Variants in PTK2 observed in about 807,000 individuals in gnomAD.
PTK2 encodes focal adhesion kinase 1.
PTK2 carries 45 observed loss-of-function variants against 150.1 expected under a neutral mutation model. The ratio of observed to expected loss-of-function variants is 0.30; its 90% confidence interval spans 0.24 to 0.38. The LOEUF (loss-of-function observed/expected upper bound fraction) is 0.38, where lower values mean the gene tolerates loss of function less well. PTK2 is among the 10% of genes least tolerant of loss of function. The pLI is 1.00. For missense variants in PTK2, 919 were observed against 1,307.3 expected (o/e 0.70, Z 4.58); for synonymous variants, 432 against 449.2 (o/e 0.96, Z 0.48).
At chr8:140,891,409 G>T (rs1415374538) in intron 2 of PTK2, among the ~76,000 whole-genome samples, 1 of 152,082 alleles carries the variant, frequency 6.6e-6, no homozygotes, top group Non-Finnish European at 1.5e-5. Context: ...AACACCCATC[G>T]AGAAACATGA....
In PTK2 at chr8:140,748,384, TCAGGAGGCTGAGG is replaced by T. The variant is rs573869540; in HGVS notation, c.1418-1537_1418-1525del. On this transcript the variant is annotated intron_variant, in intron 17 of 31. Transcript: ENST00000522684. The stretch of plus-strand genomic sequence containing the variant: ...GGTGTGTGCCTGTAGTCCCAGCTAC[TCAGGAGGCTGAGG>T]CAGCAGACTCACTTGAGCCTGGGAG... Among the ~76,000 whole-genome samples the T allele has an allele frequency of 2.7e-3, 404 of 151,248 alleles. 2 individuals carry two copies. Among genetic ancestry groups the T allele is most frequent in the Non-Finnish European group, 4.0e-3 (270 of 67,926 alleles).
At chr8:140,866,800 C>A (rs2100139582) in intron 4 of PTK2, among the ~76,000 whole-genome samples, 1 of 152,034 alleles carries the variant, frequency 6.6e-6, no homozygotes, top group Non-Finnish European at 1.5e-5. Flanking sequence ...AGTCAGACAG[C>A]AAATACACAA....
intron 5 of PTK2, among the ~76,000 whole-genome samples, chr8:140,861,949 G>A (rs1190470438): frequency 6.6e-6 from 1 of 152,010 alleles, no homozygotes; most frequent in African/African-American, 2.4e-5. Context: ...GCTTTCTCTT[G>A]GGTTTTATAA....
At chr8:140,993,613 GAC>G (rs1307630636) in intron 1 of PTK2, among the ~76,000 whole-genome samples, 2 of 152,146 alleles carry the variant, frequency 1.3e-5, no homozygotes, top group African/African-American at 2.4e-5. Context: ...GGTCAAGAGA[GAC>G]ACAGACACAA....
chr8:140,691,590 G>A (rs1001339390), intron 26 of PTK2, among the ~76,000 whole-genome samples: 2 of 152,142 alleles, frequency 1.3e-5, no homozygotes, highest in African/African-American at 2.4e-5. Flanking sequence ...CTGCCTCACC[G>A]CTGCGTCTCT....
intron 14 of PTK2, among the ~76,000 whole-genome samples, chr8:140,772,154 C>T (rs1474416899): frequency 3.3e-5 from 5 of 152,298 alleles, no homozygotes; most frequent in Middle Eastern, 6.8e-3. Context: ...TTTACACACA[C>T]TAAATTTCTG....
chr8:140,991,157 A>G (rs2100195568), intron 1 of PTK2, among the ~76,000 whole-genome samples: 1 of 152,252 alleles, frequency 6.6e-6, no homozygotes. Context: ...AGCAAAAGGC[A>G]AAAGAATGTA....
chr8:140,759,783 C>T (rs4961232), intron 16 of PTK2, among the ~76,000 whole-genome samples: 39,821 of 151,814 alleles, frequency 0.26, 5,806 homozygotes, highest in Admixed American at 0.38. Flanking sequence ...GTCGAGGCCA[C>T]GGTGAGCCAT....
In PTK2 at chr8:140,881,083, C is replaced by T. The variant is rs114083274; in HGVS notation, c.196-1446G>A. On this transcript the variant is annotated intron_variant, in intron 3 of 31. Transcript: ENST00000522684. ...CAGGTTCATAAAGATGATGAATTCT[C>T]ATCAGGACAGGAAGGATGTTTGCAG... is the stretch of plus-strand genomic sequence containing the variant. Among the ~76,000 whole-genome samples the T allele has an allele frequency of 5.9e-3, 897 of 152,316 alleles. 15 individuals are homozygous for T. Among genetic ancestry groups the T allele is most frequent in the African/African-American group, 0.019 (809 of 41,572 alleles).
chr8:140,782,880 A>T (rs560591696), intron 14 of PTK2, among the ~76,000 whole-genome samples: 2 of 152,164 alleles, frequency 1.3e-5, no homozygotes, highest in Non-Finnish European at 2.9e-5. Context: ...CCTTAATGGA[A>T]TCACACGCAA....
intron 2 of PTK2, among the ~76,000 whole-genome samples, chr8:140,923,978 A>G (rs2100168493): frequency 6.6e-6 from 1 of 152,092 alleles, no homozygotes; most frequent in South Asian, 2.1e-4. Flanking sequence ...CATCAATCAC[A>G]CAATTTTACT....
intron 4 of PTK2, among the ~76,000 whole-genome samples, chr8:140,868,225 A>C (rs1183166705): frequency 6.6e-6 from 1 of 152,202 alleles, no homozygotes; most frequent in Non-Finnish European, 1.5e-5. Context: ...CCTGATACTG[A>C]GAAGGGTTAG....
At chr8:140,694,855 C>A (rs759971551) in intron 26 of PTK2, among the ~76,000 whole-genome samples, 10 of 152,320 alleles carry the variant, frequency 6.6e-5, no homozygotes, top group Non-Finnish European at 1.5e-4. Flanking sequence ...GACCTAGCTG[C>A]CACCATCACC....
intron 12 of PTK2, among the ~76,000 whole-genome samples, chr8:140,795,206 C>T (rs184559751): frequency 1.6e-3 from 248 of 152,306 alleles, no homozygotes; most frequent in Non-Finnish European, 2.0e-3. Context: ...CTCAGCACAG[C>T]AGCCAGAGTA....
intron 23 of PTK2, among the ~76,000 whole-genome samples, chr8:140,713,634 C>G (rs1196686127): frequency 6.6e-6 from 1 of 152,158 alleles, no homozygotes; most frequent in Non-Finnish European, 1.5e-5. Context: ...TTCTAGGATA[C>G]TTTTATCCTG....
intron 14 of PTK2, among the ~76,000 whole-genome samples, chr8:140,787,162 A>C (rs1425876293): frequency 6.6e-6 from 1 of 152,220 alleles, no homozygotes; most frequent in East Asian, 1.9e-4. Context: ...CTGAAGTATG[A>C]ACTCCTAGTT....
chr8:140,901,724 T>C (rs2100158531), intron 2 of PTK2, among the ~76,000 whole-genome samples: 1 of 151,530 alleles, frequency 6.6e-6, no homozygotes, highest in Admixed American at 6.6e-5. Flanking sequence ...TATGTAGGTA[T>C]ACACATGCCA....
At chr8:140,865,148 T>A (rs1388552376) in intron 4 of PTK2, among the ~76,000 whole-genome samples, 1 of 152,258 alleles carries the variant, frequency 6.6e-6, no homozygotes, top group African/African-American at 2.4e-5. Context: ...TTAATTGGCA[T>A]TTCTTTGGTA....
intron 14 of PTK2, among the ~76,000 whole-genome samples, chr8:140,779,588 G>T (rs2100080516): frequency 6.6e-6 from 1 of 152,140 alleles, no homozygotes; most frequent in South Asian, 2.1e-4. Context: ...AGGTGACAAA[G>T]AGGAATATAT....
Sources: gnomAD v4.1 joint callset for allele counts (sites outside exome capture counted in the v4.1 genomes callset) on GRCh38, gnomAD v4.1.1 for gene constraint, MANE v1.5 for transcripts, NCBI Gene and HGNC (gene_info 2026-07-23, HGNC 2026-07-21) for gene names.